PREP: variants seen among roughly 807,000 people sequenced by gnomAD.
PREP encodes the protein dJ355L5.1 (prolyl endopeptidase).
A neutral mutation model predicts 87.6 loss-of-function variants in PREP; 29 were observed. The ratio of observed to expected loss-of-function variants is 0.33; its 90% CI spans 0.25 to 0.45. The LOEUF is 0.45. Among genes scored for constraint, PREP ranks in the 20% least tolerant of loss-of-function variants. The pLI, the probability that PREP is intolerant of heterozygous loss-of-function variation, is 1.00. For synonymous variants in PREP, 337 were observed against 328.6 expected (o/e 1.03, Z -0.28); for missense variants, 695 against 886.5 (o/e 0.78, Z 2.74).
intron 10 of PREP, among the ~76,000 whole-genome samples, chr6:105,311,051 A>G (rs1770749788): frequency 6.6e-6 from 1 of 152,102 alleles, no homozygotes. Context: ...TGTCTTCGCA[A>G]TTCTACCTTC....
At chr6:105,303,268 T>G (rs1174998850) in intron 10 of PREP, among the ~76,000 whole-genome samples, 1 of 152,140 alleles carries the variant, frequency 6.6e-6, no homozygotes. Context: ...TCTCATTACG[T>G]TGTCCAGGAT....
At chr6:105,384,593 T>C (rs193233213) in intron 2 of PREP, among the ~76,000 whole-genome samples, 60 of 152,338 alleles carry the variant, frequency 3.9e-4, no homozygotes, top group African/African-American at 1.1e-3. Context: ...GTAAACCCTG[T>C]TCATTTTCAT....
chr6:105,290,258 TA>T (rs1188169939), intron 10 of PREP, among the ~76,000 whole-genome samples: 1 of 151,702 alleles, frequency 6.6e-6, no homozygotes, highest in Non-Finnish European at 1.5e-5. Context: ...AAACACGGAG[TA>T]AGAGGAACAA....
intron 7 of PREP, among the ~76,000 whole-genome samples, chr6:105,334,763 C>G (rs1160434655): frequency 1.6e-5 from 2 of 125,142 alleles, no homozygotes; most frequent in Non-Finnish European, 3.3e-5. Context: ...TCCATGTTGC[C>G]CAGGCTTGAA....
At chr6:105,362,973 G>A (rs118169236) in intron 6 of PREP, among the ~76,000 whole-genome samples, 2,366 of 152,264 alleles carry the variant, frequency 0.016, 31 homozygotes, top group Middle Eastern at 0.082. Flanking sequence ...CAGGGGACAT[G>A]GGAAGAGTAA....
chr6:105,376,021 G>A (rs1682451992), intron 4 of PREP, 104 bp downstream of exon 4: 1 of 1,391,214 alleles, frequency 7.2e-7, no homozygotes, highest in Non-Finnish European at 9.7e-7. Flanking sequence ...CCACAATATG[G>A]TCCACACCCT....
intron 7 of PREP, among the ~76,000 whole-genome samples, chr6:105,338,820 G>T (rs1448991683): frequency 6.6e-6 from 1 of 152,230 alleles, no homozygotes; most frequent in East Asian, 1.9e-4. Context: ...CGAACTGCAA[G>T]GCGGAAGCGA....
chr6:105,326,991 T>G (rs1339322224), intron 9 of PREP, among the ~76,000 whole-genome samples: 1 of 152,144 alleles, frequency 6.6e-6, no homozygotes, highest in African/African-American at 2.4e-5. Context: ...AGCCCTTTCT[T>G]CCCCAGGTAA....
At chr6:105,401,937 G>A (rs1175431018) in intron 1 of PREP, among the ~76,000 whole-genome samples, 1 of 152,180 alleles carries the variant, frequency 6.6e-6, no homozygotes, top group Non-Finnish European at 1.5e-5. Context: ...AGTAATCTGA[G>A]AAATGTAGCT....
At chr6:105,354,340 A>G (rs1030927666) in intron 6 of PREP, among the ~76,000 whole-genome samples, 1 of 152,172 alleles carries the variant, frequency 6.6e-6, no homozygotes, top group African/African-American at 2.4e-5. Flanking sequence ...CACATATTCA[A>G]CTTTATGAGA....
At chr6:105,338,076 T>C (rs1219617267) in intron 7 of PREP, among the ~76,000 whole-genome samples, 1 of 152,178 alleles carries the variant, frequency 6.6e-6, no homozygotes, top group Non-Finnish European at 1.5e-5. Flanking sequence ...TTGAAGAGAA[T>C]AAGAAATGTA....
intron 2 of PREP, among the ~76,000 whole-genome samples, chr6:105,390,358 AC>A (rs1002476684): frequency 1.3e-5 from 2 of 152,212 alleles, no homozygotes; most frequent in African/African-American, 4.8e-5. Flanking sequence ...AAATAAAAAT[AC>A]TTTTTTCCAA....
chr6:105,316,434 C>G (rs2114639327), intron 10 of PREP, among the ~76,000 whole-genome samples: 1 of 152,290 alleles, frequency 6.6e-6, no homozygotes, highest in Middle Eastern at 3.4e-3. Context: ...CACATCAAAG[C>G]TCACTGTGAT....
At position 105,275,673 on chromosome 6, in the gene PREP, GA is replaced by G. The variant is rs369037291; in HGVS notation, c.*2470del. Among the ~76,000 whole-genome samples, 3 of 152,272 alleles carry G rather than the reference GA, an allele frequency of 2.0e-5. No individual in the cohort carries two copies. Among genetic ancestry groups the G allele is most frequent in the African/African-American group, 7.2e-5 (3 of 41,558 alleles). On this transcript the variant is annotated 3_prime_UTR_variant, in exon 15 of 15. Coordinates refer to ENST00000652536, the MANE Select transcript of PREP (RefSeq NM_002726.5). ...CACTATCCACAACAGCCAAGATAGG[GA>G]ATCAACCCACGTGCCCATCAGCAGA...
intron 2 of PREP, among the ~76,000 whole-genome samples, chr6:105,391,072 T>C (rs975750818): frequency 1.1e-4 from 15 of 139,880 alleles, no homozygotes; most frequent in African/African-American, 4.7e-4. Context: ...TTTTTTTTTT[T>C]TTAATTAAGA....
chr6:105,387,667 C>G (rs1407182433), intron 2 of PREP, among the ~76,000 whole-genome samples: 1 of 150,200 alleles, frequency 6.7e-6, no homozygotes, highest in South Asian at 2.1e-4. Context: ...AAGAAAAAGT[C>G]GCAAAAAAAA....
intron 10 of PREP, among the ~76,000 whole-genome samples, chr6:105,293,921 AC>A (rs766572051): frequency 3.3e-5 from 5 of 152,222 alleles, no homozygotes; most frequent in Non-Finnish European, 5.9e-5. Flanking sequence ...TTTAACCAAA[AC>A]TGGTTTCCTC....
intron 11 of PREP, among the ~76,000 whole-genome samples, chr6:105,286,366 C>G (rs1473797480): frequency 6.6e-6 from 1 of 152,150 alleles, no homozygotes; most frequent in African/African-American, 2.4e-5. Flanking sequence ...TTAGCCAACA[C>G]AGGGTGTGCA....
intron 3 of PREP, among the ~76,000 whole-genome samples, chr6:105,376,837 T>C (rs1434087337): frequency 6.6e-6 from 1 of 152,196 alleles, no homozygotes; most frequent in Admixed American, 6.5e-5. Flanking sequence ...CAGGGTTTGG[T>C]AGGCAGACTG....
Sources: gnomAD v4.1 joint callset for allele counts (sites outside exome capture counted in the v4.1 genomes callset) on GRCh38, gnomAD v4.1.1 for gene constraint, MANE v1.5 for transcripts, NCBI Gene and HGNC (gene_info 2026-07-23, HGNC 2026-07-21) for gene names.